Variants in SLC44A5 observed in about 807,000 individuals in gnomAD.
SLC44A5 encodes choline transporter-like protein 5.
Under a neutral mutation model 101.8 loss-of-function variants are expected in SLC44A5, and 57 were observed. That is an observed-to-expected ratio of 0.56 (90% CI 0.45 to 0.70). SLC44A5 has a LOEUF of 0.70. Ranked by LOEUF, SLC44A5 falls within the 30% of genes least tolerant of loss-of-function variation. The pLI is 0.00. For synonymous variants in SLC44A5, 281 were observed against 290.9 expected (o/e 0.97, Z 0.35); for missense variants, 737 against 853.1 (o/e 0.86, Z 1.70).
At chr1:75,546,607 G>C (rs947281910) in intron 1 of SLC44A5, among the ~76,000 whole-genome samples, 2 of 152,020 alleles carry the variant, frequency 1.3e-5, no homozygotes, top group Admixed American at 1.3e-4. Flanking sequence ...AACATGTTAA[G>C]GACACCTACA....
intron 2 of SLC44A5, among the ~76,000 whole-genome samples, chr1:75,472,995 A>T (rs1667192159): frequency 6.6e-6 from 1 of 152,170 alleles, no homozygotes; most frequent in Non-Finnish European, 1.5e-5. Flanking sequence ...CTGGCTATAA[A>T]ACTGTTTTAT....
chr1:75,319,336 A>G (rs1177175163), intron 4 of SLC44A5, among the ~76,000 whole-genome samples: 10 of 152,216 alleles, frequency 6.6e-5, no homozygotes, highest in Admixed American at 5.9e-4. Context: ...AGAAAAATTT[A>G]TAAACATAAT....
At chr1:75,674,295 A>G in the SLC44A5 span, among the ~76,000 whole-genome samples, 1 of 152,222 alleles carries the variant, frequency 6.6e-6, no homozygotes, top group African/African-American at 2.4e-5. Flanking sequence ...CAGTCTCTTA[A>G]TAGCAGAATT....
At chr1:75,564,502 T>C (rs554896276) in intron 1 of SLC44A5, among the ~76,000 whole-genome samples, 9 of 152,078 alleles carry the variant, frequency 5.9e-5, no homozygotes, top group African/African-American at 1.9e-4. Context: ...AATCACCAAA[T>C]AGAATGAATA....
chr1:75,580,860 A>G (rs1003756740), intron 1 of SLC44A5, among the ~76,000 whole-genome samples: 1 of 151,616 alleles, frequency 6.6e-6, no homozygotes, highest in Non-Finnish European at 1.5e-5. Flanking sequence ...AAAGAAAAAG[A>G]AAAACAAAGA....
intron 3 of SLC44A5, among the ~76,000 whole-genome samples, chr1:75,376,708 G>C (rs975756116): frequency 3.2e-4 from 49 of 152,000 alleles, no homozygotes; most frequent in Admixed American, 8.5e-4. Flanking sequence ...ACCAAAAGTA[G>C]ATAAAACCAC....
chr1:75,442,800 A>T (rs1665284373), intron 2 of SLC44A5, among the ~76,000 whole-genome samples: 2 of 152,170 alleles, frequency 1.3e-5, no homozygotes, highest in South Asian at 4.1e-4. Context: ...AAGTTTCTTG[A>T]CCATCTTTAA....
At chr1:75,300,728 A>G in intron 4 of SLC44A5, 43 bp from the exon 5 acceptor site, 3 of 1,356,824 alleles carry the variant, frequency 2.2e-6, no homozygotes, top group Non-Finnish European at 3.0e-6. Context: ...GAGGTCCCAA[A>G]TGACTTCCTG....
intron 2 of SLC44A5, among the ~76,000 whole-genome samples, chr1:75,482,532 A>C (rs1356136693): frequency 6.6e-6 from 1 of 152,176 alleles, no homozygotes; most frequent in Non-Finnish European, 1.5e-5. Flanking sequence ...TGTATATGGC[A>C]CACACTATAT....
intron 2 of SLC44A5, among the ~76,000 whole-genome samples, chr1:75,409,834 A>G (rs1663159709): frequency 6.6e-6 from 1 of 152,100 alleles, no homozygotes; most frequent in African/African-American, 2.4e-5. Context: ...ATCATGCCCA[A>G]GGCAGCTTCA....
intron 7 of SLC44A5, among the ~76,000 whole-genome samples, chr1:75,244,356 G>A (rs1648923195): frequency 6.6e-6 from 1 of 152,036 alleles, no homozygotes; most frequent in Non-Finnish European, 1.5e-5. Context: ...TGATTTTACA[G>A]TATAATTTAA....
chr1:75,372,535 T>C (rs891316166), intron 3 of SLC44A5, among the ~76,000 whole-genome samples: 5 of 108,098 alleles, frequency 4.6e-5, no homozygotes, highest in Admixed American at 8.1e-5. Context: ...CATGTACATA[T>C]AGTGAAGTGA....
At chr1:75,255,288 A>G (rs1649924541) in intron 6 of SLC44A5, among the ~76,000 whole-genome samples, 1 of 152,182 alleles carries the variant, frequency 6.6e-6, no homozygotes, top group Non-Finnish European at 1.5e-5. Context: ...AAATTAAATT[A>G]TTAAAATAAT....
chr1:75,491,716 C>T (rs1294764292), intron 2 of SLC44A5, among the ~76,000 whole-genome samples: 1 of 149,018 alleles, frequency 6.7e-6, no homozygotes, highest in African/African-American at 2.5e-5. Context: ...CATACACACA[C>T]AAGCACGCAC....
the SLC44A5 span, among the ~76,000 whole-genome samples, chr1:75,701,207 AG>A: frequency 6.6e-6 from 1 of 152,208 alleles, no homozygotes; most frequent in African/African-American, 2.4e-5. Flanking sequence ...ACACAAAAAA[AG>A]AGAATTTTAG....
rs530324133 is a variant in SLC44A5 at position 75,449,834 on chromosome 1, C to G, written c.14-53213G>C. On this transcript the variant is annotated intron_variant, in intron 2 of 23. Transcript: ENST00000370859. Reference sequence around the variant, plus strand: ...TGGCCAACATGGTGAAACTTCGTCTCTACTAAAAATACAAAAATTAGCTGG... The same window carrying G: ...TGGCCAACATGGTGAAACTTCGTCTGTACTAAAAATACAAAAATTAGCTGG... Among the ~76,000 whole-genome samples the G allele has an allele frequency of 1.9e-4, 29 of 152,152 alleles. No homozygotes were observed. The East Asian group carries it at 4.7e-3, about 24-fold the overall frequency.
intron 3 of SLC44A5, among the ~76,000 whole-genome samples, chr1:75,340,874 A>G (rs906094475): frequency 6.6e-6 from 1 of 152,252 alleles, no homozygotes; most frequent in African/African-American, 2.4e-5. Context: ...AAGTTATTGA[A>G]GTAAATGTTC....
At chr1:75,300,014 C>CAAAAAAAAAAAAAAAAAAAAAAA (rs35608663) in intron 5 of SLC44A5, among the ~76,000 whole-genome samples, 18 of 93,774 alleles carry the variant, frequency 1.9e-4, no homozygotes, top group African/African-American at 9.2e-4. Context: ...GACTCTGTCT[C>CAAAAAAAAAAAAAAAAAAAAAAA]AAAAAAAAAA....
chr1:75,405,584 A>G (rs551823675), intron 2 of SLC44A5, among the ~76,000 whole-genome samples: 11 of 152,202 alleles, frequency 7.2e-5, no homozygotes, highest in South Asian at 4.1e-4. Context: ...ATGAAAACTG[A>G]ACAACCTGCT....
Sources: allele counts gnomAD v4.1 joint callset (sites outside exome capture counted in the v4.1 genomes callset), GRCh38; gene constraint gnomAD v4.1.1; transcripts MANE v1.5; gene names NCBI Gene and HGNC (gene_info 2026-07-23, HGNC 2026-07-21).